Variants in HCRTR2 observed in about 807,000 individuals in gnomAD.
HCRTR2 encodes hypocretin receptor 2, also known as orexin receptor type 2.
Under a neutral mutation model 49.0 loss-of-function variants are expected in HCRTR2, and 22 were observed. The ratio of observed to expected loss-of-function variants is 0.45; its 90% confidence interval spans 0.32 to 0.64. The LOEUF is 0.64. Among genes scored for constraint, HCRTR2 ranks in the 30% least tolerant of loss-of-function variants. HCRTR2 has a pLI of 0.04. For synonymous variants in HCRTR2, 236 were observed against 205.3 expected (o/e 1.15, Z -1.28); for missense variants, 491 against 559.4 (o/e 0.88, Z 1.23).
At chr6:55,133,152 C>T (rs1764382049) in intron 1 of HCRTR2, among the ~76,000 whole-genome samples, 1 of 151,778 alleles carries the variant, frequency 6.6e-6, no homozygotes, top group Admixed American at 6.6e-5. Context: ...AAATTACCAC[C>T]AATAAGTAAA....
At chr6:55,111,674 A>G (rs1209890441) in intron 1 of HCRTR2, among the ~76,000 whole-genome samples, 1 of 152,070 alleles carries the variant, frequency 6.6e-6, no homozygotes, top group African/African-American at 2.4e-5. Context: ...GCCAACAAAT[A>G]AAAGTCCAAA....
rs185001539 is a variant in HCRTR2 at position 55,262,938 on chromosome 6, A to G, written c.647-769A>G. ...TGTACATAGGATTAATTATAAATAA[A>G]AAATTACTACAGTCCTAGAGGTGTT... On this transcript the variant is annotated intron_variant, in intron 3 of 6. Transcript: ENST00000370862. Among the ~76,000 whole-genome samples, 1,284 of 151,506 alleles carry G rather than the reference A, an allele frequency of 8.5e-3. 20 individuals carry two copies. The highest frequency in any genetic ancestry group is 0.03 in the African/African-American group (1,235 of 41,460).
At chr6:55,215,414 A>G (rs1386652862) in intron 1 of HCRTR2, among the ~76,000 whole-genome samples, 1 of 152,240 alleles carries the variant, frequency 6.6e-6, no homozygotes, top group African/African-American at 2.4e-5. Context: ...AACCTGCCTT[A>G]CAAGAAATGC....
chr6:55,242,572 G>T lies in HCRTR2; in HGVS notation c.224-6067G>T, dbSNP rs554038223. On this transcript the variant is annotated intron_variant, in intron 1 of 6. Transcript: ENST00000370862. ...ACAGATCCTTTTGAGACACTCAGTG[G>T]TCCACTAATTATGTACCATATCCAA... Among the ~76,000 whole-genome samples the T allele has an allele frequency of 2.8e-4, 42 of 152,162 alleles. 1 individual carries two copies. The highest frequency in any genetic ancestry group is 9.4e-4 in the African/African-American group (39 of 41,512).
chr6:55,282,531 C>T lies in HCRTR2; in HGVS notation c.*77C>T. On this transcript the variant is annotated 3_prime_UTR_variant, in exon 7 of 7. Coordinates refer to ENST00000370862, the MANE Select transcript of HCRTR2 (RefSeq NM_001384272.1). ...TCACTGGGAACAGAAATTTTATTAT[C>T]CTATGATGTGAAGCTAAAATTACTT... 1 of 806,648 alleles carries T rather than the reference C, an allele frequency of 1.2e-6. No individual in the cohort carries two copies. Among genetic ancestry groups the T allele is most frequent in the African/African-American group, 1.7e-5 (1 of 58,550 alleles). The allele number at this position is 806,648 out of a possible 1,614,324, so 50.0% of individuals were successfully genotyped here. A position where few individuals can be genotyped will look rare whatever the true frequency, so the allele number is the denominator to read the frequency against.
At chr6:55,225,606 CTCAT>C (rs1000222971) in intron 1 of HCRTR2, among the ~76,000 whole-genome samples, 8 of 152,112 alleles carry the variant, frequency 5.3e-5, no homozygotes, top group Admixed American at 1.3e-4. Context: ...ACAGTCACTC[CTCAT>C]TCATTCATTC....
chr6:55,263,569 T>G (rs1238503032), intron 3 of HCRTR2, 138 bp from the exon 4 acceptor site: 1 of 650,536 alleles, frequency 1.5e-6, no homozygotes, highest in Non-Finnish European at 2.8e-6. Flanking sequence ...GAATTATTTT[T>G]CCCCTTTGCA....
chr6:55,180,631 T>C (rs1412982939), intron 1 of HCRTR2, among the ~76,000 whole-genome samples: 2 of 152,208 alleles, frequency 1.3e-5, no homozygotes, highest in African/African-American at 4.8e-5. Context: ...TATTTTGTTA[T>C]TGAAAGTGCT....
upstream of HCRTR2, among the ~76,000 whole-genome samples, chr6:55,170,660 C>T (rs1019464715): frequency 8.6e-5 from 13 of 151,496 alleles, no homozygotes; most frequent in Non-Finnish European, 1.5e-4. Context: ...TGTATGCATG[C>T]GCCATGTTGG....
At chr6:55,251,012 GCCT>G in intron 2 of HCRTR2, among the ~76,000 whole-genome samples, 1 of 152,216 alleles carries the variant, frequency 6.6e-6, no homozygotes, top group East Asian at 1.9e-4. Flanking sequence ...CATATTTATT[GCCT>G]CATTTTTCAT....
chr6:55,230,836 G>A (rs1191926197), intron 1 of HCRTR2, among the ~76,000 whole-genome samples: 3 of 143,338 alleles, frequency 2.1e-5, no homozygotes, highest in East Asian at 2.0e-4. Flanking sequence ...CAATGAAACA[G>A]GTCAAAGATT....
rs917883755 is a variant in HCRTR2 at position 55,145,961 on chromosome 6, CT to C, written c.-377-28240del. On this transcript the variant is annotated intron_variant, in intron 1 of 7. Transcript: ENST00000615358. ...ATGACCATCAGCAGGAAAAATATTC[CT>C]TTTTTTTTTCTCTGTGATAGCACTT... 5.3e-3 allele frequency among the ~76,000 whole-genome samples: 788 copies of C among 149,126 alleles called. 9 individuals are homozygous for C. The highest frequency in any genetic ancestry group is 0.018 in the African/African-American group (733 of 40,648).
At chr6:55,121,810 C>G (rs1190626106) in intron 1 of HCRTR2, among the ~76,000 whole-genome samples, 6 of 152,114 alleles carry the variant, frequency 3.9e-5, no homozygotes, top group Admixed American at 3.9e-4. Context: ...AGGGATGAAG[C>G]CCACTTGATC....
In HCRTR2 at chr6:55,151,804, A is replaced by C. The variant is rs1480644652; in HGVS notation, c.-377-22407A>C. On this transcript the variant is annotated intron_variant, in intron 1 of 7. Transcript: ENST00000615358. ...CAAAATTTATTTCTTAAAAAAAAAA[A>C]CACTTAAAAATCAAAATGGCTCTTT... 9.2e-5 allele frequency among the ~76,000 whole-genome samples: 14 copies of C among 151,954 alleles called. No individual in the cohort carries two copies. The South Asian group carries it at 2.9e-3, about 32-fold the overall frequency.
At chr6:55,241,342 C>G (rs1009875465) in intron 1 of HCRTR2, among the ~76,000 whole-genome samples, 3 of 152,050 alleles carry the variant, frequency 2.0e-5, no homozygotes, top group African/African-American at 7.3e-5. Context: ...AAAAGTATTA[C>G]AATGAATTTA....
At chr6:55,192,852 T>C (rs575023708) in intron 1 of HCRTR2, among the ~76,000 whole-genome samples, 11 of 152,272 alleles carry the variant, frequency 7.2e-5, no homozygotes, top group Non-Finnish European at 1.3e-4. Flanking sequence ...TAAGCATGAG[T>C]ATGAGGAAAC....
At chr6:55,212,137 G>T (rs769499496) in intron 1 of HCRTR2, among the ~76,000 whole-genome samples, 7 of 152,120 alleles carry the variant, frequency 4.6e-5, no homozygotes, top group Admixed American at 1.3e-4. Flanking sequence ...AAATTCCTGT[G>T]CGAAGATTGA....
intron 1 of HCRTR2, among the ~76,000 whole-genome samples, chr6:55,218,540 A>G (rs2127294782): frequency 1.3e-5 from 2 of 152,338 alleles, no homozygotes; most frequent in South Asian, 4.1e-4. Flanking sequence ...GTAGACACAC[A>G]TAGGATAAAA....
chr6:55,266,503 A>G (rs889513749), intron 4 of HCRTR2, among the ~76,000 whole-genome samples: 1 of 152,190 alleles, frequency 6.6e-6, no homozygotes, highest in Admixed American at 6.5e-5. Flanking sequence ...AAGGGGAAAA[A>G]GCAATTAATG....
Sources: gnomAD v4.1 joint callset for allele counts (sites outside exome capture counted in the v4.1 genomes callset) on GRCh38, gnomAD v4.1.1 for gene constraint, MANE v1.5 for transcripts, NCBI Gene and HGNC (gene_info 2026-07-23, HGNC 2026-07-21) for gene names.